CCSER2: variants seen among roughly 807,000 people sequenced by gnomAD.
The protein encoded by CCSER2 is serine-rich coiled-coil domain-containing protein 2.
CCSER2 carries 46 observed loss-of-function variants against 92.3 expected under a neutral mutation model. The observed-to-expected ratio is 0.50, with a 90% CI of 0.39 to 0.64. CCSER2 has a LOEUF of 0.64. Among genes scored for constraint, CCSER2 ranks in the 30% least tolerant of loss-of-function variants. The probability of loss-of-function intolerance (pLI) is 0.00; values close to 1 mark genes in which losing one functional copy is unlikely to be tolerated. For missense variants in CCSER2, 1,244 were observed against 1,238.9 expected (o/e 1.00, Z -0.06); for synonymous variants, 433 against 431.4 (o/e 1.00, Z -0.04).
chr10:84,402,013 C>CT (rs1842143789), intron 3 of CCSER2, among the ~76,000 whole-genome samples: 2 of 152,182 alleles, frequency 1.3e-5, no homozygotes, highest in Non-Finnish European at 2.9e-5. Context: ...TGCTAATGAA[C>CT]TTAAAGTGAC....
Position 84,443,973 on chromosome 10 carries a change from C to T in CCSER2, c.2064+5266C>T, listed in dbSNP as rs1018168749. On this transcript the variant is annotated intron_variant, in intron 6 of 9. Transcript: ENST00000372088. ...CACATGGACACAGGGAGGGGAACAT[C>T]ACACACCAGGGCCTGTCGGGGGGTA... is the stretch of plus-strand genomic sequence containing the variant. Among the ~76,000 whole-genome samples the T allele has an allele frequency of 2.6e-5, 4 of 152,014 alleles. No individual in the cohort carries two copies. In the South Asian group the frequency reaches 8.3e-4, roughly 32 times the overall value.
intron 3 of CCSER2, among the ~76,000 whole-genome samples, chr10:84,383,456 G>A (rs1841022839): frequency 6.6e-6 from 1 of 151,914 alleles, no homozygotes; most frequent in Non-Finnish European, 1.5e-5. Context: ...GACTACAGGT[G>A]CCCGCCACCA....
intron 9 of CCSER2, chr10:84,507,389 G>GT (rs371635757): frequency 1.8e-3 from 1,563 of 851,200 alleles, no homozygotes; most frequent in Non-Finnish European, 2.0e-3. Flanking sequence ...ACTTTTTTTG[G>GT]TTTTTTTTTC....
intron 2 of CCSER2, among the ~76,000 whole-genome samples, chr10:84,372,878 T>C (rs1410402854): frequency 6.6e-6 from 1 of 152,146 alleles, no homozygotes; most frequent in Non-Finnish European, 1.5e-5. Context: ...TGAGATAATA[T>C]AGGTTATGTC....
At chr10:84,482,932 T>C (rs1641845103) in intron 9 of CCSER2, among the ~76,000 whole-genome samples, 1 of 152,224 alleles carries the variant, frequency 6.6e-6, no homozygotes, top group South Asian at 2.1e-4. Context: ...TTTTAAGAAC[T>C]AACTCTGTTA....
chr10:84,513,398 T>G (rs1448484500), intron 9 of CCSER2, 51 bp from the exon 10 acceptor site: 2 of 1,345,856 alleles, frequency 1.5e-6, no homozygotes, highest in Admixed American at 4.3e-5. Context: ...ATATTAAATC[T>G]GGGTGGAATT....
chr10:84,356,822 A>T (rs1845198860), intron 1 of CCSER2, among the ~76,000 whole-genome samples: 1 of 152,192 alleles, frequency 6.6e-6, no homozygotes, highest in Non-Finnish European at 1.5e-5. Flanking sequence ...TATTAATTGA[A>T]ATATACTGCC....
intron 1 of CCSER2, among the ~76,000 whole-genome samples, chr10:84,368,369 G>C (rs1845892437): frequency 6.6e-6 from 1 of 151,554 alleles, no homozygotes; most frequent in African/African-American, 2.4e-5. Flanking sequence ...GTGTGTAACT[G>C]ATAGGTTTTC....
At chr10:84,416,512 G>A (rs1458344066) in intron 3 of CCSER2, among the ~76,000 whole-genome samples, 1 of 152,036 alleles carries the variant, frequency 6.6e-6, no homozygotes, top group African/African-American at 2.4e-5. Context: ...AATTTTTCTA[G>A]TTACTTTTAG....
chr10:84,498,846 T>A (rs1295740934), intron 9 of CCSER2, among the ~76,000 whole-genome samples: 1 of 152,214 alleles, frequency 6.6e-6, no homozygotes, highest in East Asian at 1.9e-4. Context: ...ATGGTTCCCT[T>A]TGTATAACAT....
At chr10:84,373,284 C>G (rs1470197514) in intron 2 of CCSER2, among the ~76,000 whole-genome samples, 2 of 151,986 alleles carry the variant, frequency 1.3e-5, no homozygotes, top group Non-Finnish European at 2.9e-5. Flanking sequence ...ATAGTGTACA[C>G]AGAGGAAAAG....
chr10:84,363,476 G>A (rs144688289), intron 1 of CCSER2, among the ~76,000 whole-genome samples: 12 of 152,260 alleles, frequency 7.9e-5, no homozygotes, highest in African/African-American at 2.9e-4. Flanking sequence ...CTGCTTATAC[G>A]TGTGTAGTCA....
At chr10:84,346,774 A>ATATT (rs71013316) in intron 1 of CCSER2, among the ~76,000 whole-genome samples, 7 of 148,452 alleles carry the variant, frequency 4.7e-5, no homozygotes, top group South Asian at 2.1e-4. Context: ...ATATATATAT[A>ATATT]TATTTATTTA....
intron 1 of CCSER2, among the ~76,000 whole-genome samples, chr10:84,363,150 T>A (rs1237512367): frequency 5.3e-4 from 78 of 147,104 alleles, no homozygotes; most frequent in African/African-American, 1.9e-3. Context: ...CCCAGCTATT[T>A]TTTTTTTTTT....
intron 6 of CCSER2, among the ~76,000 whole-genome samples, chr10:84,441,734 A>AATTT (rs1564667378): frequency 1.9e-5 from 2 of 106,410 alleles, no homozygotes; most frequent in Non-Finnish European, 3.7e-5. Flanking sequence ...GACTGGGAAA[A>AATTT]TGTTTTTTTT....
intron 9 of CCSER2, among the ~76,000 whole-genome samples, chr10:84,500,350 A>G (rs1848660075): frequency 6.6e-6 from 1 of 152,232 alleles, no homozygotes; most frequent in Admixed American, 6.5e-5. Flanking sequence ...ACAGATGCAT[A>G]ATGTGTGGGG....
intron 1 of CCSER2, among the ~76,000 whole-genome samples, chr10:84,368,153 T>C (rs1029586848): frequency 2.0e-5 from 3 of 152,142 alleles, no homozygotes; most frequent in Non-Finnish European, 4.4e-5. Context: ...TCCTCAACTT[T>C]TGTAGGGCAT....
intron 2 of CCSER2, among the ~76,000 whole-genome samples, chr10:84,373,232 G>A (rs1459508880): frequency 1.3e-5 from 2 of 151,998 alleles, no homozygotes; most frequent in Non-Finnish European, 2.9e-5. Flanking sequence ...CTTATAGGGA[G>A]GCAATTATGA....
intron 9 of CCSER2, among the ~76,000 whole-genome samples, chr10:84,505,483 A>G (rs1848992622): frequency 1.3e-5 from 2 of 152,210 alleles, no homozygotes; most frequent in African/African-American, 2.4e-5. Flanking sequence ...ATGTGTGACT[A>G]TAATCAATTT....
Sources: gnomAD v4.1 joint callset for allele counts (sites outside exome capture counted in the v4.1 genomes callset) on GRCh38, gnomAD v4.1.1 for gene constraint, MANE v1.5 for transcripts, NCBI Gene and HGNC (gene_info 2026-07-23, HGNC 2026-07-21) for gene names.